NCALD: variants seen among roughly 807,000 people sequenced by gnomAD.
The protein encoded by NCALD is neurocalcin-delta.
Under a neutral mutation model 18.6 loss-of-function variants are expected in NCALD, and 10 were observed. The ratio of observed to expected loss-of-function variants is 0.54; its 90% CI spans 0.33 to 0.91. The LOEUF (loss-of-function observed/expected upper bound fraction) is 0.91. Among genes scored for constraint, NCALD ranks in the 40% least tolerant of loss-of-function variants. NCALD has a pLI of 0.03. For synonymous variants in NCALD, 88 were observed against 87.4 expected (o/e 1.01, Z -0.04); for missense variants, 184 against 247.6 (o/e 0.74, Z 1.72).
At chr8:101,882,491 C>T (rs2196895) in intron 4 of NCALD, among the ~76,000 whole-genome samples, 2,360 of 152,198 alleles carry the variant, frequency 0.016, 76 homozygotes, top group African/African-American at 0.051. Context: ...TTGGACTTCC[C>T]GACCTCAAGA....
At chr8:101,990,723 T>G (rs1821011814) in intron 2 of NCALD, among the ~76,000 whole-genome samples, 1 of 152,302 alleles carries the variant, frequency 6.6e-6, no homozygotes, top group East Asian at 1.9e-4. Flanking sequence ...TAAAGCTACT[T>G]CTTTTGTAAA....
chr8:101,949,988 G>C (rs1258331725), intron 2 of NCALD, among the ~76,000 whole-genome samples: 1 of 152,206 alleles, frequency 6.6e-6, no homozygotes, highest in South Asian at 2.1e-4. Context: ...GCAACAAGGG[G>C]CTCTGAGCAG....
chr8:102,004,669 T>C (rs1226975466), intron 2 of NCALD, among the ~76,000 whole-genome samples: 1 of 152,090 alleles, frequency 6.6e-6, no homozygotes, highest in African/African-American at 2.4e-5. Flanking sequence ...ATGGTACTGG[T>C]ACCAAAACAG....
chr8:102,044,321 G>T (rs143363445), intron 1 of NCALD, among the ~76,000 whole-genome samples: 61 of 152,028 alleles, frequency 4.0e-4, no homozygotes, highest in Non-Finnish European at 6.5e-4. Context: ...GAGGACACAC[G>T]GAAATGGGTT....
intron 1 of NCALD, among the ~76,000 whole-genome samples, chr8:102,049,080 G>A (rs1823342085): frequency 6.6e-6 from 1 of 152,196 alleles, no homozygotes; most frequent in Non-Finnish European, 1.5e-5. Context: ...ATCTATTAAT[G>A]GTAGGTATGG....
intron 1 of NCALD, among the ~76,000 whole-genome samples, chr8:102,074,850 A>G (rs1824290726): frequency 6.6e-6 from 1 of 152,234 alleles, no homozygotes; most frequent in African/African-American, 2.4e-5. Context: ...TTATGATTCC[A>G]TTCAGCTGTG....
intron 1 of NCALD, among the ~76,000 whole-genome samples, chr8:101,738,562 A>T (rs1406658470): frequency 1.2e-3 from 178 of 151,776 alleles, no homozygotes; most frequent in African/African-American, 4.1e-3. Flanking sequence ...CAAAAAAAAA[A>T]AAAAAAAAAA....
intron 1 of NCALD, among the ~76,000 whole-genome samples, chr8:102,081,564 A>AAAACAAAAAAAAAAAACAAAC (rs1563601087): frequency 5.3e-5 from 6 of 113,718 alleles, no homozygotes; most frequent in African/African-American, 2.6e-4. Context: ...AAAAAAAAAA[A>AAAACAAAAAAAAAAAACAAAC]AAAAAAAAAA....
chr8:101,937,451 T>C (rs1038986034), intron 2 of NCALD, among the ~76,000 whole-genome samples: 1 of 152,210 alleles, frequency 6.6e-6, no homozygotes, highest in Non-Finnish European at 1.5e-5. Context: ...TGTTTTTCTG[T>C]TACTGCATTA....
intron 1 of NCALD, among the ~76,000 whole-genome samples, chr8:102,058,278 A>G (rs184480470): frequency 6.6e-6 from 1 of 152,374 alleles, no homozygotes; most frequent in Non-Finnish European, 1.5e-5. Context: ...TAACAATTCA[A>G]TGACTAGTTG....
At chr8:101,992,171 G>C (rs928305129) in intron 2 of NCALD, among the ~76,000 whole-genome samples, 10 of 152,114 alleles carry the variant, frequency 6.6e-5, no homozygotes, top group Admixed American at 3.9e-4. Flanking sequence ...CAGATGGATG[G>C]GTGGATAGAT....
At chr8:101,988,373 T>C (rs931068335) in intron 2 of NCALD, among the ~76,000 whole-genome samples, 1 of 152,080 alleles carries the variant, frequency 6.6e-6, no homozygotes, top group Non-Finnish European at 1.5e-5. Flanking sequence ...AGCAGTAGAG[T>C]AGGGCAGTTA....
At chr8:102,123,371 G>A (rs1030603787) in intron 1 of NCALD, among the ~76,000 whole-genome samples, 4 of 151,592 alleles carry the variant, frequency 2.6e-5, no homozygotes, top group Non-Finnish European at 5.9e-5. Flanking sequence ...CAGACCCGCA[G>A]GAAGAAACTG....
intron 1 of NCALD, among the ~76,000 whole-genome samples, chr8:102,091,725 T>A (rs535811303): frequency 6.6e-6 from 1 of 152,348 alleles, no homozygotes; most frequent in Non-Finnish European, 1.5e-5. Context: ...CAATTATTAA[T>A]CTTCCAGATA....
At chr8:101,695,772 G>T (rs1814962227) in intron 2 of NCALD, among the ~76,000 whole-genome samples, 1 of 151,894 alleles carries the variant, frequency 6.6e-6, no homozygotes, top group African/African-American at 2.4e-5. Context: ...TAGATGTGAG[G>T]GTAGCAGTCA....
intron 4 of NCALD, among the ~76,000 whole-genome samples, chr8:101,850,277 G>A (rs1253099777): frequency 6.6e-6 from 1 of 152,160 alleles, no homozygotes; most frequent in Non-Finnish European, 1.5e-5. Context: ...GAACCCAGAT[G>A]ACTCTTGTGT....
At chr8:102,031,825 C>T (rs989869704) in intron 1 of NCALD, among the ~76,000 whole-genome samples, 1 of 152,124 alleles carries the variant, frequency 6.6e-6, no homozygotes, top group Admixed American at 6.5e-5. Context: ...GTTCATTAAT[C>T]ATAGAACTCC....
intron 1 of NCALD, among the ~76,000 whole-genome samples, chr8:102,116,751 T>C (rs1287856891): frequency 6.6e-6 from 1 of 152,024 alleles, no homozygotes; most frequent in Admixed American, 6.6e-5. Context: ...CAAGCAATCC[T>C]CCTGCCTCGA....
At chr8:101,690,251 G>C (rs1272583257) in intron 3 of NCALD, 16 of 985,282 alleles carry the variant, frequency 1.6e-5, no homozygotes, top group Non-Finnish European at 1.9e-5. Context: ...CCCATTCCTG[G>C]TGCTTCCAGA....
Sources: allele counts gnomAD v4.1 joint callset (sites outside exome capture counted in the v4.1 genomes callset), GRCh38; gene constraint gnomAD v4.1.1; transcripts MANE v1.5; gene names NCBI Gene and HGNC (gene_info 2026-07-23, HGNC 2026-07-21).